Variants in HOXC13 observed in about 807,000 individuals in gnomAD.
HOXC13 encodes the protein homeobox C13.
Under a neutral mutation model 25.9 loss-of-function variants are expected in HOXC13, and 10 were observed. That is an observed-to-expected ratio of 0.39 (90% CI 0.24 to 0.65). HOXC13 has a LOEUF of 0.65. HOXC13 is among the 30% of genes least tolerant of loss of function. HOXC13 has a pLI of 0.50. For missense variants in HOXC13, 439 were observed against 478.3 expected, an observed-to-expected ratio of 0.92 and a Z score of 0.77; for synonymous variants, 233 against 217.1, an observed-to-expected ratio of 1.07 and a Z score of -0.64.
chr12:53,941,491 A>C (rs1938610791), intron 1 of HOXC13, among the ~76,000 whole-genome samples: 1 of 152,214 alleles, frequency 6.6e-6, no homozygotes, highest in African/African-American at 2.4e-5. Flanking sequence ...TGTGGTGTGG[A>C]GTAGGGGTGA....
In HOXC13 at chr12:53,945,550, G is replaced by C. The variant is rs1001971418; in HGVS notation, c.*294G>C. 2 of 455,396 alleles carry C rather than the reference G, an allele frequency of 4.4e-6. No individual in the cohort carries two copies. Among genetic ancestry groups the C allele is most frequent in the African/African-American group, 3.8e-5 (2 of 51,968 alleles). 28.2% of individuals were successfully genotyped at this position (455,396 alleles called of 1,614,324 possible). A position where few individuals can be genotyped will look rare whatever the true frequency, so the allele number is the denominator to read the frequency against. On this transcript the variant is annotated 3_prime_UTR_variant, in exon 2 of 2. Coordinates refer to ENST00000243056, the MANE Select transcript of HOXC13 (RefSeq NM_017410.3). The surrounding 1 kb of genome is among the most constrained non-coding windows in gnomAD (Gnocchi z 4.4). The stretch of plus-strand genomic sequence containing the variant: ...GCTGTCGACCTCTACTCCTCCTTGC[G>C]CTCACCTTGCCAGAAAGTCTGGTGG...
Position 53,939,218 on chromosome 12 carries a change from G to A in HOXC13, c.312G>A (p.Gln104=), listed in dbSNP as rs1382148520. 6.5e-7 allele frequency: 1 copy of A among 1,535,096 alleles called. No individual in the cohort carries two copies. The highest frequency in any genetic ancestry group is 2.0e-5 in the Admixed American group (1 of 50,050). ...TCCCGGCCCCGGAGGCGGCGCGCCAGTGTGCCCCGCCGCCCGCACCCCCCA... is the reference window on the plus strand; with the variant it reads ...TCCCGGCCCCGGAGGCGGCGCGCCAATGTGCCCCGCCGCCCGCACCCCCCA... The part of the protein sequence containing the change: ...TDIPAPEAAR[Q]CAPPPAPPTS... The change falls in exon 1 of 2, where the codon CAG becomes CAA. Residue 104 remains glutamine (Q), a synonymous_variant. Coordinates refer to ENST00000243056, the MANE Select transcript of HOXC13 (RefSeq NM_017410.3). The surrounding 1 kb of genome is among the most constrained non-coding windows in gnomAD (Gnocchi z 6.7).
At chr12:53,942,475 G>C (rs1191821832) in intron 1 of HOXC13, among the ~76,000 whole-genome samples, 1 of 152,064 alleles carries the variant, frequency 6.6e-6, no homozygotes, top group Non-Finnish European at 1.5e-5. Context: ...AGCCCAAAAA[G>C]AAAGCCATGG....
In HOXC13 at chr12:53,938,852, C is replaced by G; in HGVS notation, c.-55C>G. The stretch of plus-strand genomic sequence containing the variant: ...GGGGAAACAGGAGCGAGGTGTCTCC[C>G]TAGCTCGCTGCCTCTGGCAAGTGGA... On this transcript the variant is annotated 5_prime_UTR_variant, in exon 1 of 2. Transcript: ENST00000243056. 6.8e-7 allele frequency: 1 copy of G among 1,462,596 alleles called. No homozygotes were observed. The highest frequency in any genetic ancestry group is 9.1e-7 in the Non-Finnish European group (1 of 1,101,416). 90.6% of individuals were successfully genotyped at this position (1,462,596 alleles called of 1,614,324 possible). A position where few individuals can be genotyped will look rare whatever the true frequency, so the allele number is the denominator to read the frequency against.
chr12:53,939,416 G>C lies in HOXC13; in HGVS notation c.510G>C (p.Lys170Asn). 9 of 1,604,894 alleles carry C rather than the reference G, an allele frequency of 5.6e-6. No homozygotes were observed. The highest frequency in any genetic ancestry group is 7.6e-6 in the Non-Finnish European group (9 of 1,177,618). Reference protein sequence around the residue: ...LPGDDLSSRAKEFAFYPSFAS... With the variant: ...LPGDDLSSRANEFAFYPSFAS... ...GTGACGACCTGTCCTCTAGGGCCAA[G>C]GAGTTCGCCTTCTACCCCAGCTTCG... is the stretch of plus-strand genomic sequence containing the variant. The change falls in exon 1 of 2, where the codon AAG becomes AAC. Residue 170 changes from lysine (K) to asparagine (N), a missense_variant. Physicochemically the swap from Lys to Asn is moderately conservative, Grantham distance 94. Transcript: ENST00000243056. The surrounding 1 kb of genome is among the most constrained non-coding windows in gnomAD (Gnocchi z 6.7).
intron 1 of HOXC13, among the ~76,000 whole-genome samples, chr12:53,942,141 C>T (rs1193921404): frequency 4.3e-5 from 3 of 69,888 alleles, no homozygotes; most frequent in Non-Finnish European, 5.9e-5. Flanking sequence ...TTTCTCCCTA[C>T]GGTGAGTGTA....
intron 1 of HOXC13, 31 bp from the exon 2 acceptor site, chr12:53,944,969 A>C: frequency 6.2e-7 from 1 of 1,611,046 alleles, no homozygotes; most frequent in Non-Finnish European, 8.5e-7. Flanking sequence ...CGCTTGCCTC[A>C]CTTCTTCCCG....
chr12:53,945,885 C>A lies in HOXC13; in HGVS notation c.*629C>A. On this transcript the variant is annotated 3_prime_UTR_variant, in exon 2 of 2. Transcript: ENST00000243056. The surrounding 1 kb of genome is among the most constrained non-coding windows in gnomAD (Gnocchi z 4.4). ...CTGGAATTCCGTAAAAGCATTGACG[C>A]AGCCCCTACACTCCATCCCAACCAA... The A allele has an allele frequency of 4.3e-6, 1 of 234,238 alleles. No homozygotes were observed. The highest frequency in any genetic ancestry group is 1.3e-3 in the Middle Eastern group (1 of 774). The allele number at this position is 234,238 out of a possible 1,614,324, so 14.5% of individuals were successfully genotyped here.
rs1785695876 is a variant in HOXC13, at chr12:53,945,659, C to CT, written c.*407dup. 3.3e-6 allele frequency: 1 copy of CT among 303,804 alleles called. No individual in the cohort carries two copies. Among genetic ancestry groups the CT allele is most frequent in the African/African-American group, 2.1e-5 (1 of 48,562 alleles). The allele number at this position is 303,804 out of a possible 1,614,324, so 18.8% of individuals were successfully genotyped here. On this transcript the variant is annotated 3_prime_UTR_variant, in exon 2 of 2. Transcript: ENST00000243056. This position sits in a 1 kb window ranked among gnomAD's most constrained non-coding sequence, Gnocchi z 4.4. ...ATTCTTGCCTCATCCTATGACCAGGCTTTTAGAGGACCTTCCCTAAGGGCG... is the reference window on the plus strand; with the variant it reads ...ATTCTTGCCTCATCCTATGACCAGGCTTTTTAGAGGACCTTCCCTAAGGGCG...
chr12:53,939,475 A>G lies in HOXC13; in HGVS notation c.569A>G (p.Asp190Gly). ...TACCAGGCGATGCCCGGCTACCTGG[A>G]CGTGTCGGTGGTGCCCGGGATCAGC... ...SSYQAMPGYL[D>G]VSVVPGISGH... The change falls in exon 1 of 2, where the codon GAC becomes GGC. Residue 190 changes from aspartate (D) to glycine (G), a missense_variant. Coordinates refer to ENST00000243056, the MANE Select transcript of HOXC13 (RefSeq NM_017410.3). This position sits in a 1 kb window ranked among gnomAD's most constrained non-coding sequence, Gnocchi z 6.7. 1 of 1,609,544 alleles carries G rather than the reference A, an allele frequency of 6.2e-7. No individual in the cohort carries two copies. The highest frequency in any genetic ancestry group is 8.5e-7 in the Non-Finnish European group (1 of 1,179,520).
In HOXC13 at chr12:53,939,336, C is replaced by A. The variant is rs573108868; in HGVS notation, c.430C>A (p.Pro144Thr). The A allele has an allele frequency of 3.1e-6, 5 of 1,600,158 alleles. No individual in the cohort carries two copies. Among genetic ancestry groups the A allele is most frequent in the East Asian group, 2.3e-5 (1 of 44,270 alleles). ...LSHNVNLQQK[P>T]CAYHPGDKYP... ...GCACAACGTGAACCTGCAGCAGAAGCCTTGCGCCTACCACCCGGGCGATAA... is the reference window on the plus strand; with the variant it reads ...GCACAACGTGAACCTGCAGCAGAAGACTTGCGCCTACCACCCGGGCGATAA... The change falls in exon 1 of 2, where the codon CCT (proline) becomes ACT (threonine). Residue 144 changes from proline (P) to threonine (T), a missense_variant. By Grantham distance (38) the Pro-to-Thr change is conservative (BLOSUM62 -1). Transcript: ENST00000243056. This position sits in a 1 kb window ranked among gnomAD's most constrained non-coding sequence, Gnocchi z 6.7.
Position 53,945,677 on chromosome 12 carries a change from TA to T in HOXC13, c.*423del. The T allele has an allele frequency of 3.4e-6, 1 of 290,110 alleles. No homozygotes were observed. The highest frequency in any genetic ancestry group is 6.6e-6 in the Non-Finnish European group (1 of 151,774). 18.0% of individuals were successfully genotyped at this position (290,110 alleles called of 1,614,324 possible). ...GACCAGGCTTTTAGAGGACCTTCCC[TA>T]AGGGCGCAGCTTCGGAGCAGGATCT... is the stretch of plus-strand genomic sequence containing the variant. On this transcript the variant is annotated 3_prime_UTR_variant, in exon 2 of 2. Coordinates refer to ENST00000243056, the MANE Select transcript of HOXC13 (RefSeq NM_017410.3). The surrounding 1 kb of genome is among the most constrained non-coding windows in gnomAD (Gnocchi z 4.4).
rs1204458654 is a variant in HOXC13 at position 53,939,243 on chromosome 12, A to G, written c.337A>G (p.Thr113Ala). ...RQCAPPPAPP[T>A]SSSATLGYGY... The stretch of plus-strand genomic sequence containing the variant: ...GTGTGCCCCGCCGCCCGCACCCCCC[A>G]CCTCGTCCAGCGCCACCCTGGGCTA... Residue 113 changes from threonine (T) to alanine (A), a missense_variant, in exon 1 of 2, where the codon ACC becomes GCC. By Grantham distance (58) the Thr-to-Ala change is moderately conservative. Coordinates refer to ENST00000243056, the MANE Select transcript of HOXC13 (RefSeq NM_017410.3). This position sits in a 1 kb window ranked among gnomAD's most constrained non-coding sequence, Gnocchi z 6.7. 6.5e-7 allele frequency: 1 copy of G among 1,541,014 alleles called. No homozygotes were observed. Among genetic ancestry groups the G allele is most frequent in the Admixed American group, 2.0e-5 (1 of 50,552 alleles).
rs1565703044 is a variant in HOXC13 at position 53,938,949 on chromosome 12, C to G, written c.43C>G (p.Leu15Val). The G allele has an allele frequency of 1.8e-5, 28 of 1,558,774 alleles. No homozygotes were observed. The highest frequency in any genetic ancestry group is 2.3e-5 in the Non-Finnish European group (27 of 1,159,052). ...LLLHPRWPES[L>V]MYVYEDSAAE... ...CCTGCATCCACGCTGGCCGGAGAGC[C>G]TTATGTACGTCTATGAGGACAGCGC... is the stretch of plus-strand genomic sequence containing the variant. Residue 15 changes from leucine to valine, a missense_variant, in exon 1 of 2, where the codon CTT becomes GTT. Leu to Val is a conservative substitution (Grantham distance 32, BLOSUM62 1). Transcript: ENST00000243056.
chr12:53,940,257 G>A (rs1221747000), intron 1 of HOXC13, among the ~76,000 whole-genome samples: 6 of 152,202 alleles, frequency 3.9e-5, no homozygotes, highest in African/African-American at 1.4e-4. Context: ...TCTCTGGAGA[G>A]GGAGTGGAGA....
At chr12:53,944,418 C>T (rs1592185457) in intron 1 of HOXC13, among the ~76,000 whole-genome samples, 1 of 152,186 alleles carries the variant, frequency 6.6e-6, no homozygotes, top group Non-Finnish European at 1.5e-5. Flanking sequence ...CTGAAGCTGA[C>T]CCCCTGCCTG....
In HOXC13 at chr12:53,939,684, C is replaced by G; in HGVS notation, c.736+42C>G. Reference sequence around the variant, plus strand: ...AGCGCCGCCGCCGCCGGGGACCCCTCCCCGCCCTGCCTGCCCCGGGGCTCC... The same window carrying G: ...AGCGCCGCCGCCGCCGGGGACCCCTGCCCGCCCTGCCTGCCCCGGGGCTCC... On this transcript the variant is annotated intron_variant, in intron 1 of 1. Coordinates refer to ENST00000243056, the MANE Select transcript of HOXC13 (RefSeq NM_017410.3). The surrounding 1 kb of genome is among the most constrained non-coding windows in gnomAD (Gnocchi z 6.7). 7.6e-7 allele frequency: 1 copy of G among 1,317,502 alleles called. No individual in the cohort carries two copies. The highest frequency in any genetic ancestry group is 9.7e-7 in the Non-Finnish European group (1 of 1,031,786). 81.6% of individuals were successfully genotyped at this position (1,317,502 alleles called of 1,614,324 possible). A position where few individuals can be genotyped will look rare whatever the true frequency, so the allele number is the denominator to read the frequency against.
intron 1 of HOXC13, among the ~76,000 whole-genome samples, chr12:53,940,233 C>G (rs1280327272): frequency 6.6e-6 from 1 of 152,194 alleles, no homozygotes; most frequent in Non-Finnish European, 1.5e-5. Context: ...GTTGAGGGAA[C>G]AGAAGATCCA....
Position 53,939,957 on chromosome 12 carries a change from C to A in HOXC13, c.736+315C>A, listed in dbSNP as rs1450030114. ...CTCCAGCCTCCCGCCGGGCTCTTGG[C>A]CCCTAAACCTGCTTCCGGCAAGGGA... On this transcript the variant is annotated intron_variant, in intron 1 of 1. Coordinates refer to ENST00000243056, the MANE Select transcript of HOXC13 (RefSeq NM_017410.3). The surrounding 1 kb of genome is among the most constrained non-coding windows in gnomAD (Gnocchi z 6.7). Among the ~76,000 whole-genome samples, 1 of 152,230 alleles carries A rather than the reference C, an allele frequency of 6.6e-6. No homozygotes were observed. The highest frequency in any genetic ancestry group is 1.5e-5 in the Non-Finnish European group (1 of 68,030).
Sources: allele counts gnomAD v4.1 joint callset (sites outside exome capture counted in the v4.1 genomes callset), GRCh38; gene constraint gnomAD v4.1.1; non-coding constraint Gnocchi (gnomAD v3.1); transcripts MANE v1.5; gene names NCBI Gene and HGNC (gene_info 2026-07-23, HGNC 2026-07-21).